The following FKBP1B variants were observed in gnomAD, a reference collection of about 807,000 sequenced individuals.
FKBP1B encodes the protein FKBP prolyl isomerase 1B.
A neutral mutation model predicts 13.5 loss-of-function variants in FKBP1B; 4 were observed. That is an observed-to-expected ratio of 0.30 (90% CI 0.15 to 0.68). The LOEUF (loss-of-function observed/expected upper bound fraction) is 0.68. FKBP1B is among the 30% of genes least tolerant of loss of function. The pLI, the probability that FKBP1B is intolerant of heterozygous loss-of-function variation, is 0.76. For synonymous variants in FKBP1B, 54 were observed against 53.6 expected, an observed-to-expected ratio of 1.01 and a Z score of -0.03; for missense variants, 93 against 136.2, an observed-to-expected ratio of 0.68 and a Z score of 1.58.
At chr2:24,033,258 G>A in the FKBP1B span, 1 of 484,386 alleles carries the variant, frequency 2.1e-6, no homozygotes. Flanking sequence ...CAATCTGACG[G>A]TAAGAACACC....
the FKBP1B span, among the ~76,000 whole-genome samples, chr2:24,037,214 G>A: frequency 6.6e-6 from 1 of 152,012 alleles, no homozygotes; most frequent in South Asian, 2.1e-4. Flanking sequence ...TTAGAGACAG[G>A]GTTTCACCAC....
the FKBP1B span, among the ~76,000 whole-genome samples, chr2:24,043,948 C>T: frequency 1.3e-4 from 20 of 151,950 alleles, no homozygotes; most frequent in Admixed American, 2.0e-4. Flanking sequence ...GGTTCTGCAG[C>T]GGCTTGCTAA....
In FKBP1B at chr2:24,060,819, C is replaced by T. The variant is rs1664355649; in HGVS notation, c.91C>T (p.Leu31Phe). The change falls in exon 3 of 4, where the codon CTC (leucine) becomes TTC (phenylalanine). Residue 31 changes from leucine to phenylalanine, a missense_variant. Coordinates refer to ENST00000380986, the MANE Select transcript of FKBP1B (RefSeq NM_004116.5). ...CCCGATTCTTGCTTTGACAGGAATG[C>T]TCCAAAATGGGAAGAAGTTTGATTC... ...QTCVVHYTGMLQNGKKFDSSR... is the reference protein window; with the variant it reads ...QTCVVHYTGMFQNGKKFDSSR... The T allele has an allele frequency of 6.2e-7, 1 of 1,613,584 alleles. No homozygotes were observed. The highest frequency in any genetic ancestry group is 2.2e-5 in the East Asian group (1 of 44,880).
chr2:24,039,189 C>T, the FKBP1B span: 17 of 1,614,110 alleles, frequency 1.1e-5, no homozygotes, highest in African/African-American at 1.2e-4. Context: ...AAGTCTGAGA[C>T]GTCAGCCATT....
chr2:24,042,769 A>G, the FKBP1B span, among the ~76,000 whole-genome samples: 1 of 151,810 alleles, frequency 6.6e-6, no homozygotes, highest in Non-Finnish European at 1.5e-5. Context: ...GCGGCGGCTC[A>G]CGCCTGTAAT....
chr2:24,035,150 G>A, the FKBP1B span, among the ~76,000 whole-genome samples: 1 of 151,304 alleles, frequency 6.6e-6, no homozygotes, highest in Non-Finnish European at 1.5e-5. Flanking sequence ...TTCTGTAATG[G>A]TAAAATTTTT....
chr2:24,033,762 G>T, the FKBP1B span, among the ~76,000 whole-genome samples: 1 of 151,638 alleles, frequency 6.6e-6, no homozygotes, highest in Non-Finnish European at 1.5e-5. Context: ...ATAAATGAAG[G>T]ACAGTTGTAT....
the FKBP1B span, among the ~76,000 whole-genome samples, chr2:24,044,476 A>G: frequency 6.6e-6 from 1 of 152,156 alleles, no homozygotes; most frequent in South Asian, 2.1e-4. Context: ...CATGTTGGCC[A>G]GGCTGGTCTT....
chr2:24,049,825 C>T lies in FKBP1B; in HGVS notation c.-25C>T. 7.3e-7 allele frequency: 1 copy of T among 1,373,218 alleles called. No individual in the cohort carries two copies. Among genetic ancestry groups the T allele is most frequent in the Non-Finnish European group, 9.4e-7 (1 of 1,061,338 alleles). The allele number at this position is 1,373,218 out of a possible 1,614,324, so 85.1% of individuals were successfully genotyped here. On this transcript the variant is annotated 5_prime_UTR_variant, in exon 1 of 4. Transcript: ENST00000380986. ...GGGTCGGGCAGCAGCAGGGACCCCC[C>T]AGAGGCGGGGCCTGTGGGACCGCTA...
At chr2:24,051,396 T>C (rs1295287592) in intron 1 of FKBP1B, among the ~76,000 whole-genome samples, 2 of 152,294 alleles carry the variant, frequency 1.3e-5, no homozygotes, top group Middle Eastern at 6.8e-3. Flanking sequence ...GAAGATGTTT[T>C]AATGATTCTT....
the FKBP1B span, among the ~76,000 whole-genome samples, chr2:24,034,237 A>G: frequency 1.3e-5 from 2 of 152,284 alleles, no homozygotes; most frequent in South Asian, 2.1e-4. Flanking sequence ...CCTGGCCAAC[A>G]TGGTGAAACC....
chr2:24,057,619 C>T (rs1215630839), intron 2 of FKBP1B, among the ~76,000 whole-genome samples: 2 of 151,912 alleles, frequency 1.3e-5, no homozygotes, highest in Non-Finnish European at 2.9e-5. Context: ...GTGATCTGCT[C>T]GCCTCGGCCT....
chr2:24,049,645 C>T (rs1030722446), upstream of FKBP1B: 1 of 382,036 alleles, frequency 2.6e-6, no homozygotes, highest in African/African-American at 2.1e-5. Context: ...CCGCCCCGGC[C>T]GACCCCACCT....
At chr2:24,049,587 G>C (rs1663746002), upstream of FKBP1B, 1 of 352,128 alleles carries the variant, frequency 2.8e-6, no homozygotes. Flanking sequence ...ATGTCGTCAG[G>C]CGGGGCCAGG....
intron 2 of FKBP1B, among the ~76,000 whole-genome samples, chr2:24,059,677 T>C (rs1383675319): frequency 6.6e-6 from 1 of 151,910 alleles, no homozygotes; most frequent in Non-Finnish European, 1.5e-5. Context: ...GCAGATCACC[T>C]GAGGTCAGGA....
chr2:24,036,065 A>AAAATAAAT, the FKBP1B span, among the ~76,000 whole-genome samples: 22,046 of 140,210 alleles, frequency 0.16, 1,966 homozygotes, highest in African/African-American at 0.18. Flanking sequence ...CTCCGTCTCA[A>AAAATAAAT]AAATAAATAA....
upstream of FKBP1B, among the ~76,000 whole-genome samples, chr2:24,049,035 T>C (rs1362317485): frequency 6.6e-6 from 1 of 152,032 alleles, no homozygotes; most frequent in Non-Finnish European, 1.5e-5. Flanking sequence ...GTGTCCTCCC[T>C]CCCTCCCCCA....
the FKBP1B span, among the ~76,000 whole-genome samples, chr2:24,035,396 G>A: frequency 6.6e-6 from 1 of 151,868 alleles, no homozygotes; most frequent in African/African-American, 2.4e-5. Flanking sequence ...AAATAAAAAT[G>A]GTTACCTAAA....
chr2:24,035,176 A>C, the FKBP1B span, among the ~76,000 whole-genome samples: 1 of 151,862 alleles, frequency 6.6e-6, no homozygotes, highest in African/African-American at 2.4e-5. Flanking sequence ...CAACAAGTAT[A>C]TATTACTTTT....
Sources: allele counts gnomAD v4.1 joint callset (sites outside exome capture counted in the v4.1 genomes callset), GRCh38; gene constraint gnomAD v4.1.1; transcripts MANE v1.5; gene names NCBI Gene and HGNC (gene_info 2026-07-23, HGNC 2026-07-21).